Variants in ELAC2 observed in about 807,000 individuals in gnomAD.
ELAC2 encodes zinc phosphodiesterase ELAC protein 2.
In ELAC2, 92 loss-of-function variants were observed where a neutral mutation model predicts 105.2. That is an observed-to-expected ratio of 0.87 (90% CI 0.74 to 1.04). ELAC2 has a LOEUF of 1.04. Among genes scored for constraint, ELAC2 ranks in the 50% least tolerant of loss-of-function variants. The probability of loss-of-function intolerance (pLI) is 0.00; values close to 1 mark genes in which losing one functional copy is unlikely to be tolerated. For synonymous variants in ELAC2, 468 were observed against 409.1 expected, an observed-to-expected ratio of 1.14 and a Z score of -1.74; for missense variants, 1,099 against 1,071.7, an observed-to-expected ratio of 1.03 and a Z score of -0.36.
At chr17:12,996,395 T>C in intron 17 of ELAC2, 152 bp downstream of exon 17, 1 of 1,106,328 alleles carries the variant, frequency 9.0e-7, no homozygotes, top group East Asian at 2.5e-5. Context: ...AGGACTATGT[T>C]GAGTTTTGCA....
intron 17 of ELAC2, chr17:12,996,242 A>G (rs1284028035): frequency 4.8e-6 from 3 of 627,044 alleles, no homozygotes; most frequent in Non-Finnish European, 8.4e-6. Context: ...AGGGTCTCAT[A>G]GCCACACCTC....
chr17:13,015,898 C>T, intron 3 of ELAC2, 66 bp from the exon 4 acceptor site: 1 of 1,216,148 alleles, frequency 8.2e-7, no homozygotes, highest in Non-Finnish European at 1.2e-6. Flanking sequence ...AGGAGGAGCA[C>T]CCCGTACTAA....
At chr17:13,016,787 T>A in intron 3 of ELAC2, 75 bp downstream of exon 3, 1 of 1,450,940 alleles carries the variant, frequency 6.9e-7, no homozygotes, top group Non-Finnish European at 9.6e-7. Flanking sequence ...CACCCCAGAC[T>A]TGGAAAAATG....
chr17:13,008,799 T>C (rs1202528139), intron 8 of ELAC2, among the ~76,000 whole-genome samples: 2 of 151,996 alleles, frequency 1.3e-5, no homozygotes, highest in African/African-American at 2.4e-5. Context: ...GCAAATTAAT[T>C]AGAAGAGGGG....
intron 8 of ELAC2, among the ~76,000 whole-genome samples, chr17:13,006,895 G>A (rs2041139860): frequency 6.6e-6 from 1 of 152,146 alleles, no homozygotes. Flanking sequence ...GCCGAGGCGG[G>A]TAGATCATGA....
chr17:13,004,852 G>A, intron 11 of ELAC2, 137 bp downstream of exon 11: 1 of 779,000 alleles, frequency 1.3e-6, no homozygotes, highest in East Asian at 2.4e-5. Flanking sequence ...AGTGACTTAA[G>A]GCAGGAGTGC....
chr17:13,017,812 G>A lies in ELAC2; in HGVS notation c.136C>T (p.Arg46Cys), dbSNP rs2041835898. ...CCGCCGGAGCACCCCGACGGTCCGC[G>A]CTTCTCTCGCGTGCGCAGGTGCCGC... ...PLRHLRTREKRGPSGCSGGPN... is the reference protein window; with the variant it reads ...PLRHLRTREKCGPSGCSGGPN... Residue 46 changes from arginine to cysteine, a missense_variant, in exon 1 of 24, where the codon CGC becomes TGC. Coordinates refer to ENST00000338034, the MANE Select transcript of ELAC2 (RefSeq NM_018127.7). 6.2e-7 allele frequency: 1 copy of A among 1,601,448 alleles called. No homozygotes were observed. The highest frequency in any genetic ancestry group is 1.3e-5 in the African/African-American group (1 of 74,762).
chr17:13,003,605 A>T (rs1296284015), intron 11 of ELAC2, 31 bp from the exon 12 acceptor site: 1 of 1,599,042 alleles, frequency 6.3e-7, no homozygotes, highest in Non-Finnish European at 8.6e-7. Context: ...TTACAAAGTG[A>T]TGCAGACTCA....
chr17:12,997,807 A>T (rs1025108887), intron 16 of ELAC2, among the ~76,000 whole-genome samples: 2 of 152,252 alleles, frequency 1.3e-5, no homozygotes, highest in Admixed American at 1.3e-4. Flanking sequence ...TGTAGAGATA[A>T]CGTGTACATG....
intron 21 of ELAC2, 41 bp from the exon 22 acceptor site, chr17:12,994,544 A>C (rs1302712459): frequency 2.5e-6 from 4 of 1,610,918 alleles, no homozygotes; most frequent in Non-Finnish European, 3.4e-6. Context: ...GTTCTCTGCG[A>C]GAGCGGCACA....
At position 13,005,086 on chromosome 17, in the gene ELAC2, G is replaced by A. The variant is rs1392218832; in HGVS notation, c.886C>T (p.Leu296=). ...HEGREILAEE[L]CTPPDPGAAF... is the part of the protein sequence containing the mutation. ...GCACCAGGATCTGGAGGAGTACACA[G>A]CTCTTCAGCCAAAATCTGCAAAACC... Residue 296 remains leucine (L), a synonymous_variant, in exon 11 of 24, where the codon CTG becomes TTG. Coordinates refer to ENST00000338034, the MANE Select transcript of ELAC2 (RefSeq NM_018127.7). 4.3e-6 allele frequency: 7 copies of A among 1,614,066 alleles called. No individual in the cohort carries two copies. The South Asian group carries it at 7.7e-5, about 18-fold the overall frequency.
intron 8 of ELAC2, chr17:13,006,424 C>T (rs745575005): frequency 5.5e-5 from 12 of 219,976 alleles, no homozygotes; most frequent in African/African-American, 1.2e-4. Flanking sequence ...CATTAAAATG[C>T]GTTTATTGCT....
chr17:12,992,665 G>GAGCCCAAGCCTCGGCAC lies in ELAC2; in HGVS notation c.*136_*152dup, dbSNP rs2040242276. ...CATCTATAGACTAGTGCTTATGTGG[G>GAGCCCAAGCCTCGGCAC]AGCCCAAGCCTCGGCACAGCTCCAT... On this transcript the variant is annotated 3_prime_UTR_variant, in exon 24 of 24. Transcript: ENST00000338034. 1 of 854,168 alleles carries GAGCCCAAGCCTCGGCAC rather than the reference G, an allele frequency of 1.2e-6. No homozygotes were observed. The highest frequency in any genetic ancestry group is 1.8e-6 in the Non-Finnish European group (1 of 545,380). The allele number at this position is 854,168 out of a possible 1,614,324, so 52.9% of individuals were successfully genotyped here.
rs1399008987 is a variant in ELAC2, at chr17:13,013,256, G to C, written c.510C>G (p.Ala170=). 1 of 1,614,112 alleles carries C rather than the reference G, an allele frequency of 6.2e-7. No individual in the cohort carries two copies. The highest frequency in any genetic ancestry group is 1.1e-5 in the South Asian group (1 of 91,066). Residue 170 remains alanine, a synonymous_variant, in exon 6 of 24, where the codon GCC becomes GCG. Transcript: ENST00000338034. ...GIELAVRPHS[A]PEYEDETMTV... is the part of the protein sequence containing the mutation. ...TCATGGTTTCATCCTCGTATTCTGG[G>C]GCAGAGTGGGGCCGCACAGCTACAA...
At chr17:13,011,247 T>TG (rs1056929621) in intron 7 of ELAC2, among the ~76,000 whole-genome samples, 1 of 152,234 alleles carries the variant, frequency 6.6e-6, no homozygotes, top group Non-Finnish European at 1.5e-5. Flanking sequence ...CGTTTCCCAG[T>TG]GGGCTGTCAT....
chr17:12,999,851 G>T (rs2040680610), intron 15 of ELAC2, among the ~76,000 whole-genome samples: 1 of 152,188 alleles, frequency 6.6e-6, no homozygotes, highest in South Asian at 2.1e-4. Flanking sequence ...TAGAGACGGG[G>T]TTTCATCATG....
chr17:13,006,394 G>T, intron 8 of ELAC2: 2 of 237,770 alleles, frequency 8.4e-6, no homozygotes, highest in South Asian at 1.1e-4. Context: ...AAAATAAAAT[G>T]ATGTTGTTTC....
At chr17:13,007,130 A>G (rs529142849) in intron 8 of ELAC2, among the ~76,000 whole-genome samples, 1 of 152,152 alleles carries the variant, frequency 6.6e-6, no homozygotes, top group South Asian at 2.1e-4. Context: ...AAAAGAAAAA[A>G]AAAAAAACCC....
rs531134200 is a variant in ELAC2 at position 12,995,766 on chromosome 17, T to C, written c.1745A>G (p.Asn582Ser). Residue 582 changes from asparagine to serine, a missense_variant, in exon 19 of 24, where the codon AAC becomes AGC. Coordinates refer to ENST00000338034, the MANE Select transcript of ELAC2 (RefSeq NM_018127.7). ...CTGCTGGAGCCAGGCTTTGAGCTGG[T>C]TGGGGGCAACCACCAGCAAAGGGTG... ...PLHPLLVVAPNQLKAWLQQYH... is the reference protein window; with the variant it reads ...PLHPLLVVAPSQLKAWLQQYH... 16 of 1,613,066 alleles carry C rather than the reference T, an allele frequency of 9.9e-6. No individual in the cohort carries two copies. The highest frequency in any genetic ancestry group is 6.7e-5 in the African/African-American group (5 of 75,020).
Sources: gnomAD v4.1 joint callset for allele counts (sites outside exome capture counted in the v4.1 genomes callset) on GRCh38, gnomAD v4.1.1 for gene constraint, MANE v1.5 for transcripts, NCBI Gene and HGNC (gene_info 2026-07-23, HGNC 2026-07-21) for gene names.